The following SPTBN1 variants were observed in gnomAD, a reference collection of about 807,000 sequenced individuals.
SPTBN1 encodes spectrin beta, non-erythrocytic 1.
A neutral mutation model predicts 266.4 loss-of-function variants in SPTBN1; 32 were observed. The observed-to-expected ratio is 0.12, with a 90% CI of 0.09 to 0.16. The LOEUF (loss-of-function observed/expected upper bound fraction) is 0.16, where lower values mean the gene tolerates loss of function less well. SPTBN1 is among the 10% of genes least tolerant of loss of function. The probability of loss-of-function intolerance (pLI) is 1.00; values close to 1 mark genes in which losing one functional copy is unlikely to be tolerated. For synonymous variants in SPTBN1, 1,336 were observed against 1,162.2 expected (o/e 1.15, Z -3.04); for missense variants, 2,296 against 3,067.1 (o/e 0.75, Z 5.94).
chr2:54,584,044 G>A (rs1252730384), intron 2 of SPTBN1, among the ~76,000 whole-genome samples: 4 of 152,158 alleles, frequency 2.6e-5, no homozygotes, highest in African/African-American at 4.8e-5. Context: ...GAGAGAAGAC[G>A]GTTAATAGTT....
chr2:54,557,334 C>A (rs911134050), intron 2 of SPTBN1, among the ~76,000 whole-genome samples: 12 of 149,844 alleles, frequency 8.0e-5, no homozygotes, highest in Admixed American at 6.7e-5. Context: ...CTGTAGGGCT[C>A]CAAACTGGAA....
rs558537984 is a variant in SPTBN1, at chr2:54,630,981, C to T, written c.2934C>T (p.Ile978=). The T allele has an allele frequency of 9.9e-6, 16 of 1,614,144 alleles. No homozygotes were observed. Among genetic ancestry groups the T allele is most frequent in the South Asian group, 5.5e-5 (5 of 91,086 alleles). The change falls in exon 16 of 36, where the codon ATC becomes ATT. Residue 978 remains isoleucine (I), a synonymous_variant. Coordinates refer to ENST00000356805, the MANE Select transcript of SPTBN1 (RefSeq NM_003128.3). Reference sequence around the variant, plus strand: ...GGATTCGGGAAAAGACCAAGGTCATCGAGTCCACCCAGGACCTGGGCAATG... The same window carrying T: ...GGATTCGGGAAAAGACCAAGGTCATTGAGTCCACCCAGGACCTGGGCAATG... ...KSWIREKTKV[I]ESTQDLGNDL...
intron 2 of SPTBN1, among the ~76,000 whole-genome samples, chr2:54,549,391 C>T (rs1391326720): frequency 6.6e-6 from 1 of 151,660 alleles, no homozygotes; most frequent in African/African-American, 2.4e-5. Flanking sequence ...ACAGGATTTC[C>T]TTGCTTTTAA....
chr2:54,639,281 TA>T (rs1679369616), intron 18 of SPTBN1, among the ~76,000 whole-genome samples: 3 of 151,864 alleles, frequency 2.0e-5, no homozygotes, highest in Non-Finnish European at 4.4e-5. Context: ...CTGGAGGGAG[TA>T]AAAGGGATGA....
At chr2:54,667,516 A>G (rs1681444447) in intron 34 of SPTBN1, 88 bp from the exon 35 acceptor site, 5 of 1,286,880 alleles carry the variant, frequency 3.9e-6, no homozygotes, top group African/African-American at 2.9e-5. Flanking sequence ...CCTGTGGTCT[A>G]CTTCTGTCCT....
intron 2 of SPTBN1, chr2:54,527,129 A>G (rs1328594405): frequency 6.6e-6 from 1 of 151,930 alleles, no homozygotes; most frequent in Non-Finnish European, 1.5e-5. Flanking sequence ...CCTAGAGCAC[A>G]CTTTCTCCAT....
intron 32 of SPTBN1, chr2:54,660,228 GTTTGAGTCTCTTAACTGA>G: frequency 7.1e-7 from 1 of 1,411,516 alleles, no homozygotes; most frequent in South Asian, 1.7e-5. Flanking sequence ...TTTAATTCAT[GTTTGAGTCTCTTAACTGA>G]TGGATGCCCA....
chr2:54,526,637 C>A, intron 2 of SPTBN1, 71 bp downstream of exon 2: 1 of 1,525,814 alleles, frequency 6.6e-7, no homozygotes. Flanking sequence ...ATCATCCACC[C>A]TGTTCCCATG....
chr2:54,654,571 G>T (rs1010481612), intron 27 of SPTBN1, among the ~76,000 whole-genome samples: 4 of 152,106 alleles, frequency 2.6e-5, no homozygotes, highest in South Asian at 4.1e-4. Context: ...ATCCATGCTG[G>T]TCACTGCTGT....
At chr2:54,469,115 T>G (rs756511302) in intron 1 of SPTBN1, among the ~76,000 whole-genome samples, 1 of 152,244 alleles carries the variant, frequency 6.6e-6, no homozygotes, top group Non-Finnish European at 1.5e-5. Flanking sequence ...GCCAGTTCTT[T>G]AAGCCTTTAG....
chr2:54,484,599 G>T (rs1267122632), intron 1 of SPTBN1, among the ~76,000 whole-genome samples: 2 of 152,306 alleles, frequency 1.3e-5, no homozygotes, highest in African/African-American at 4.8e-5. Context: ...AGTGTCTTCT[G>T]TAGTTGCCAT....
intron 1 of SPTBN1, among the ~76,000 whole-genome samples, chr2:54,515,172 A>T (rs544887851): frequency 2.5e-4 from 38 of 152,182 alleles, no homozygotes; most frequent in Admixed American, 7.8e-4. Flanking sequence ...GACTGACTCA[A>T]TGCAAGAGGA....
intron 1 of SPTBN1, among the ~76,000 whole-genome samples, chr2:54,506,894 C>CTCTTTTTTTTTTTT (rs5831310): frequency 7.5e-6 from 1 of 133,504 alleles, no homozygotes; most frequent in African/African-American, 3.0e-5. Flanking sequence ...GGTTCTCTCT[C>CTCTTTTTTTTTTTT]TTTTTTTTTT....
At chr2:54,489,536 C>A (rs566203672) in intron 1 of SPTBN1, among the ~76,000 whole-genome samples, 1 of 151,196 alleles carries the variant, frequency 6.6e-6, no homozygotes, top group African/African-American at 2.4e-5. Flanking sequence ...CCCCGTCTTA[C>A]TAAAAATACA....
intron 2 of SPTBN1, among the ~76,000 whole-genome samples, chr2:54,570,568 G>A (rs1009887976): frequency 3.3e-5 from 5 of 152,268 alleles, no homozygotes; most frequent in African/African-American, 1.2e-4. Flanking sequence ...GTGCAACTGT[G>A]ATAGAATTTT....
intron 1 of SPTBN1, among the ~76,000 whole-genome samples, chr2:54,493,350 C>T (rs1173374629): frequency 6.8e-6 from 1 of 148,084 alleles, no homozygotes; most frequent in African/African-American, 2.5e-5. Context: ...TAATTTCCTT[C>T]TGTGTTCTGG....
intron 34 of SPTBN1, 79 bp downstream of exon 34, chr2:54,666,167 C>G: frequency 7.1e-7 from 1 of 1,411,092 alleles, no homozygotes; most frequent in Non-Finnish European, 9.7e-7. Flanking sequence ...TCTTATACAG[C>G]TGCTGTGATT....
In SPTBN1 at chr2:54,655,961, C is replaced by G. The variant is rs947576575; in HGVS notation, c.6009C>G (p.Ile2003Met). 6.2e-7 allele frequency: 1 copy of G among 1,613,382 alleles called. No individual in the cohort carries two copies. The highest frequency in any genetic ancestry group is 8.5e-7 in the Non-Finnish European group (1 of 1,179,548). The change falls in exon 29 of 36, where the codon ATC becomes ATG. Residue 2003 changes from isoleucine (I) to methionine (M), a missense_variant. Physicochemically the swap from Ile to Met is conservative, Grantham distance 10. Around this residue, in one of 12 missense-constraint regions of SPTBN1, gnomAD observed 644 missense variants for 745.3 expected, o/e 0.86. Transcript: ENST00000356805. Reference sequence around the variant, plus strand: ...TGACGGAAAAGAGGAAAGAAATGATCGACAAGTGGGAAGACCGATGGGAAT... The same window carrying G: ...TGACGGAAAAGAGGAAAGAAATGATGGACAAGTGGGAAGACCGATGGGAAT... ...LQLTEKRKEM[I>M]DKWEDRWEWL...
rs549425960 is a variant in SPTBN1 at position 54,475,107 on chromosome 2, G to T, written c.-48+18589G>T. 7.2e-5 allele frequency among the ~76,000 whole-genome samples: 11 copies of T among 152,328 alleles called. No homozygotes were observed. The South Asian group carries it at 2.3e-3, about 32-fold the overall frequency. On this transcript the variant is annotated intron_variant, in intron 1 of 35. Transcript: ENST00000356805. Reference sequence around the variant, plus strand: ...TATAATCCCAGCTACTCAGGAGGCCGAGTCAGGAGAATCACTTGAGCCCGG... The same window carrying T: ...TATAATCCCAGCTACTCAGGAGGCCTAGTCAGGAGAATCACTTGAGCCCGG...
Sources: allele counts gnomAD v4.1 joint callset (sites outside exome capture counted in the v4.1 genomes callset), GRCh38; gene constraint gnomAD v4.1.1; regional missense constraint gnomAD v4.1.1; transcripts MANE v1.5; gene names NCBI Gene and HGNC (gene_info 2026-07-23, HGNC 2026-07-21).